Variants in SDC4 observed in about 807,000 individuals in gnomAD.
The protein encoded by SDC4 is syndecan 4.
Under a neutral mutation model 20.5 loss-of-function variants are expected in SDC4, and 17 were observed. The ratio of observed to expected loss-of-function variants is 0.83; its 90% confidence interval spans 0.57 to 1.25. The LOEUF is 1.25. Ranked by LOEUF, SDC4 falls within the 50% of genes most tolerant of loss-of-function variation. The pLI is 0.00. For missense variants in SDC4, 241 were observed against 252.3 expected (o/e 0.96, Z 0.30); for synonymous variants, 107 against 105.3 (o/e 1.02, Z -0.10).
chr20:45,336,381 C>G (rs957333353), intron 1 of SDC4, among the ~76,000 whole-genome samples: 1 of 152,196 alleles, frequency 6.6e-6, no homozygotes, highest in Non-Finnish European at 1.5e-5. Flanking sequence ...CCGTTGCACT[C>G]TAGCCTGAGC....
rs1288510008 is a variant in SDC4, at chr20:45,325,594, C to T, written c.*1670G>A. ...GAGAGGGAGGGTCCCAGACAACAGG[C>T]CCCAGCTGGGGCCTCATCAGCCCTC... is the stretch of plus-strand genomic sequence containing the variant. On this transcript the variant is annotated 3_prime_UTR_variant, in exon 5 of 5. Coordinates refer to ENST00000372733, the MANE Select transcript of SDC4 (RefSeq NM_002999.4). 6.6e-6 allele frequency: 1 copy of T among 151,118 alleles called. No homozygotes were observed. The highest frequency in any genetic ancestry group is 1.5e-5 in the Non-Finnish European group (1 of 67,882). The allele number at this position is 151,118 out of a possible 1,614,324, so 9.4% of individuals were successfully genotyped here.
chr20:45,335,704 C>T (rs1987851731), intron 2 of SDC4, 78 bp downstream of exon 2: 12 of 1,488,454 alleles, frequency 8.1e-6, no homozygotes, highest in Non-Finnish European at 9.2e-6. Context: ...AGTCTCAAGG[C>T]ATGGTCACCC....
chr20:45,339,496 C>A lies in SDC4; in HGVS notation c.61-3576G>T, dbSNP rs1345678382. Among the ~76,000 whole-genome samples, 5 of 152,236 alleles carry A rather than the reference C, an allele frequency of 3.3e-5. 1 individual carries two copies. The highest frequency in any genetic ancestry group is 6.3e-3 in the Middle Eastern group (2 of 316). ...TGGTGGCTAGGCACAGTGGCTTAATCCCAACATTTTGGGAGGCCAAGGTGG... is the reference window on the plus strand; with the variant it reads ...TGGTGGCTAGGCACAGTGGCTTAATACCAACATTTTGGGAGGCCAAGGTGG... On this transcript the variant is annotated intron_variant, in intron 1 of 4. Transcript: ENST00000372733.
chr20:45,345,416 A>T (rs2145718558), intron 1 of SDC4: 1 of 152,236 alleles, frequency 6.6e-6, no homozygotes, highest in South Asian at 2.1e-4. Context: ...CCCAGCGGGG[A>T]AAGAGGCCTC....
chr20:45,337,894 A>C (rs1987897491), intron 1 of SDC4, among the ~76,000 whole-genome samples: 1 of 152,184 alleles, frequency 6.6e-6, no homozygotes, highest in African/African-American at 2.4e-5. Context: ...AAAGCCAGAG[A>C]GGTTAAGTGC....
chr20:45,348,211 T>G, intron 1 of SDC4, 114 bp downstream of exon 1: 2 of 1,004,796 alleles, frequency 2.0e-6, no homozygotes, highest in Non-Finnish European at 3.0e-6. Flanking sequence ...CGGTGTCCGG[T>G]TGGGGGTAGC....
At chr20:45,342,315 G>C (rs1987964343) in intron 1 of SDC4, among the ~76,000 whole-genome samples, 1 of 152,180 alleles carries the variant, frequency 6.6e-6, no homozygotes, top group Admixed American at 6.5e-5. Flanking sequence ...CCCACAGACG[G>C]CTCCGGCAGG....
intron 1 of SDC4, among the ~76,000 whole-genome samples, chr20:45,343,351 C>G (rs752972399): frequency 7.2e-5 from 11 of 152,140 alleles, no homozygotes; most frequent in Admixed American, 7.2e-4. Flanking sequence ...CCTCAAAGTG[C>G]TATTTGCAAT....
At chr20:45,332,904 C>T (rs922450374) in intron 3 of SDC4, 119 bp downstream of exon 3, 28 of 936,174 alleles carry the variant, frequency 3.0e-5, no homozygotes, top group East Asian at 1.5e-4. Context: ...AAAGCCTTCC[C>T]GCATAGTGGG....
chr20:45,332,872 C>T, intron 3 of SDC4, 151 bp downstream of exon 3: 1 of 697,804 alleles, frequency 1.4e-6, no homozygotes, highest in Non-Finnish European at 2.4e-6. Context: ...CCACCATGCC[C>T]ACCCCAGGGC....
rs1987706636 is a variant in SDC4 at position 45,327,289 on chromosome 20, G to T, written c.572C>A (p.Ala191Asp). The change falls in exon 5 of 5, where the codon GCC becomes GAC. Residue 191 changes from alanine to aspartate, a missense_variant. By Grantham distance (126) the Ala-to-Asp change is moderately radical. Coordinates refer to ENST00000372733, the MANE Select transcript of SDC4 (RefSeq NM_002999.4). ...TCACGCGTAGAACTCATTGGTGGGG[G>T]CTTTCTTGTAGATGGGTTTCTTGCC... ...DLGKKPIYKK[A>D]PTNEFYA 1.2e-6 allele frequency: 2 copies of T among 1,614,074 alleles called. No homozygotes were observed. The highest frequency in any genetic ancestry group is 1.3e-5 in the African/African-American group (1 of 74,934).
In SDC4 at chr20:45,330,476, A is replaced by T. The variant is rs774425955; in HGVS notation, c.335T>A (p.Ile112Asn). 30 of 1,614,072 alleles carry T rather than the reference A, an allele frequency of 1.9e-5. No individual in the cohort carries two copies. The highest frequency in any genetic ancestry group is 2.5e-5 in the Non-Finnish European group (30 of 1,180,046). The change falls in exon 4 of 5, where the codon ATC becomes AAC. Residue 112 changes from isoleucine (I) to asparagine (N), a missense_variant. Transcript: ENST00000372733. ...EPKKLEENEVIPKRISPVEES... is the reference protein window; with the variant it reads ...EPKKLEENEVNPKRISPVEES... ...TTCAACGGGTGAGATTCTCTTGGGG[A>T]TAACCTCATTCTCCTCTAGTTTCTT...
At chr20:45,327,914 C>T (rs1987718635) in intron 4 of SDC4, among the ~76,000 whole-genome samples, 1 of 152,222 alleles carries the variant, frequency 6.6e-6, no homozygotes, top group South Asian at 2.1e-4. Flanking sequence ...GGATTACAGG[C>T]GTGAGCCACC....
rs773328021 is a variant in SDC4 at position 45,333,076 on chromosome 20, G to C, written c.200-7C>G. Reference sequence around the variant, plus strand: ...ATGGAGTCTTCCAAGTCATCTGTAAGGTCAGAATAGCTGTGTGAGTGAGGT... The same window carrying C: ...ATGGAGTCTTCCAAGTCATCTGTAACGTCAGAATAGCTGTGTGAGTGAGGT... On this transcript the variant is annotated splice_polypyrimidine_tract_variant and splice_region_variant and intron_variant, in intron 2 of 4. Coordinates refer to ENST00000372733, the MANE Select transcript of SDC4 (RefSeq NM_002999.4). 6.2e-7 allele frequency: 1 copy of C among 1,613,972 alleles called. No individual in the cohort carries two copies. The highest frequency in any genetic ancestry group is 1.3e-5 in the African/African-American group (1 of 74,928).
intron 1 of SDC4, among the ~76,000 whole-genome samples, chr20:45,343,436 A>G (rs763000030): frequency 2.0e-5 from 3 of 152,144 alleles, no homozygotes; most frequent in South Asian, 2.1e-4. Flanking sequence ...GACAGTGTCC[A>G]GAGTGGTCTG....
At chr20:45,332,557 T>C (rs1416573842) in intron 3 of SDC4, among the ~76,000 whole-genome samples, 1 of 152,178 alleles carries the variant, frequency 6.6e-6, no homozygotes, top group Non-Finnish European at 1.5e-5. Flanking sequence ...GAGGATGGCC[T>C]ACCAGCAACC....
At position 45,335,828 on chromosome 20, in the gene SDC4, G is replaced by C. The variant is rs750999803; in HGVS notation, c.153C>G (p.Pro51=). The change falls in exon 2 of 5, where the codon CCC becomes CCG. Residue 51 remains proline (P), a synonymous_variant. Coordinates refer to ENST00000372733, the MANE Select transcript of SDC4 (RefSeq NM_002999.4). ...GCTCAAAGTCATCAGATTCCTGCCC[G>C]GGCCCCACTACATCCTCATCGTCTG... is the stretch of plus-strand genomic sequence containing the variant. ...ALPDDEDVVG[P]GQESDDFELS... 1.9e-6 allele frequency: 3 copies of C among 1,613,942 alleles called. No individual in the cohort carries two copies. In the South Asian group the frequency reaches 3.3e-5, roughly 18 times the overall value.
intron 2 of SDC4, among the ~76,000 whole-genome samples, chr20:45,334,041 C>G (rs921724352): frequency 2.6e-4 from 39 of 150,906 alleles, no homozygotes; most frequent in African/African-American, 9.3e-4. Flanking sequence ...GTCGCCTGGG[C>G]TGGAGTACCG....
intron 2 of SDC4, among the ~76,000 whole-genome samples, chr20:45,334,603 C>G (rs1987833032): frequency 6.6e-6 from 1 of 152,042 alleles, no homozygotes; most frequent in African/African-American, 2.4e-5. Context: ...ATTCTCCTGC[C>G]TCAGCCTCCC....
Sources: allele counts gnomAD v4.1 joint callset (sites outside exome capture counted in the v4.1 genomes callset), GRCh38; gene constraint gnomAD v4.1.1; transcripts MANE v1.5; gene names NCBI Gene and HGNC (gene_info 2026-07-23, HGNC 2026-07-21).